TSHZ2: variants seen among roughly 807,000 people sequenced by gnomAD.
The protein encoded by TSHZ2 is teashirt homolog 2.
In TSHZ2, 21 loss-of-function variants were observed where a neutral mutation model predicts 74.4. The observed-to-expected ratio is 0.28, with a 90% CI of 0.20 to 0.41. TSHZ2 has a LOEUF of 0.41. Among genes scored for constraint, TSHZ2 ranks in the 10% least tolerant of loss-of-function variants. TSHZ2 has a pLI of 1.00. For synonymous variants in TSHZ2, 540 were observed against 515.3 expected (o/e 1.05, Z -0.65); for missense variants, 1,244 against 1,293.5 (o/e 0.96, Z 0.59).
chr20:53,037,810 G>A (rs1165610101), intron 1 of TSHZ2, among the ~76,000 whole-genome samples: 1 of 152,164 alleles, frequency 6.6e-6, no homozygotes, highest in Non-Finnish European at 1.5e-5. Flanking sequence ...TGGATCATCC[G>A]CTACCAACAG....
chr20:53,425,028 G>A (rs1436223596), intron 2 of TSHZ2, among the ~76,000 whole-genome samples: 1 of 152,182 alleles, frequency 6.6e-6, no homozygotes, highest in African/African-American at 2.4e-5. Context: ...ATGAACATAT[G>A]TGTGCATGTA....
chr20:53,009,138 G>A (rs1240859675), intron 1 of TSHZ2, among the ~76,000 whole-genome samples: 1 of 151,640 alleles, frequency 6.6e-6, no homozygotes, highest in Non-Finnish European at 1.5e-5. Flanking sequence ...AGACTAGCCT[G>A]AAAAAATAGT....
rs1568918574 is a variant in TSHZ2, at chr20:53,441,228, TTATTTTA to T, written c.*9-45914_*9-45908del. Among the ~76,000 whole-genome samples the T allele has an allele frequency of 5.6e-3, 433 of 77,796 alleles. 8 individuals carry two copies. Among genetic ancestry groups the T allele is most frequent in the African/African-American group, 0.015 (397 of 25,742 alleles). 51.0% of individuals were successfully genotyped at this position (77,796 alleles called of 152,430 possible). A position where few individuals can be genotyped will look rare whatever the true frequency, so the allele number is the denominator to read the frequency against. ...TATAACCCTTATTTATTTGTTTATT[TTATTTTA>T]TTTTATTTTATTTTATTTTATTTTA... is the stretch of plus-strand genomic sequence containing the variant. On this transcript the variant is annotated intron_variant, in intron 2 of 2. Coordinates refer to ENST00000371497, the MANE Select transcript of TSHZ2 (RefSeq NM_173485.6).
Position 53,254,290 on chromosome 20 carries a change from A to G in TSHZ2, c.832A>G (p.Met278Val). 2 of 1,614,166 alleles carry G rather than the reference A, an allele frequency of 1.2e-6. No individual in the cohort carries two copies. The highest frequency in any genetic ancestry group is 1.7e-6 in the Non-Finnish European group (2 of 1,180,012). ...GGATGCTCAAAAGGTTCTGAAATGT[A>G]TGTTTTGTGGCGACTCCTTTGATTC... Reference protein sequence around the residue: ...KEDAQKVLKCMFCGDSFDSLQ... With the variant: ...KEDAQKVLKCVFCGDSFDSLQ... Residue 278 changes from methionine to valine, a missense_variant, in exon 2 of 3, where the codon ATG (methionine) becomes GTG (valine). Physicochemically the swap from Met to Val is conservative, Grantham distance 21 (BLOSUM62 1). Transcript: ENST00000371497.
chr20:53,238,630 C>G (rs368801363), intron 1 of TSHZ2, among the ~76,000 whole-genome samples: 2 of 152,090 alleles, frequency 1.3e-5, no homozygotes, highest in African/African-American at 4.8e-5. Context: ...AACACACAGA[C>G]ATAAACACAC....
chr20:53,317,907 G>T (rs1356918099), intron 2 of TSHZ2, among the ~76,000 whole-genome samples: 1 of 152,208 alleles, frequency 6.6e-6, no homozygotes, highest in African/African-American at 2.4e-5. Context: ...TGTGCTGAAT[G>T]TTGGCAACAA....
intron 1 of TSHZ2, among the ~76,000 whole-genome samples, chr20:53,150,427 C>A (rs1287753759): frequency 6.6e-6 from 1 of 152,120 alleles, no homozygotes; most frequent in African/African-American, 2.4e-5. Context: ...ATATAGCTGG[C>A]AAACTAGAAA....
At chr20:53,167,011 C>T (rs1988078890) in intron 1 of TSHZ2, among the ~76,000 whole-genome samples, 2 of 152,154 alleles carry the variant, frequency 1.3e-5, no homozygotes, top group African/African-American at 4.8e-5. Context: ...GACATATAGG[C>T]TGTGACCAGA....
chr20:53,110,086 C>G (rs531178928), intron 1 of TSHZ2, among the ~76,000 whole-genome samples: 7 of 152,180 alleles, frequency 4.6e-5, no homozygotes, highest in Non-Finnish European at 1.0e-4. Context: ...TTTCAGCATG[C>G]CAGGCTTGTG....
intron 1 of TSHZ2, among the ~76,000 whole-genome samples, chr20:53,036,083 G>T (rs184800864): frequency 1.3e-5 from 2 of 151,916 alleles, no homozygotes; most frequent in Non-Finnish European, 2.9e-5. Flanking sequence ...GACTAATTCC[G>T]CTTCTCGACC....
At chr20:53,426,165 G>C (rs77936907) in intron 2 of TSHZ2, among the ~76,000 whole-genome samples, 3,881 of 152,180 alleles carry the variant, frequency 0.026, 65 homozygotes, top group Middle Eastern at 0.078. Flanking sequence ...GGTTGTTTAC[G>C]GTAGGAAGTA....
intron 2 of TSHZ2, among the ~76,000 whole-genome samples, chr20:53,267,187 C>A (rs1487356445): frequency 2.0e-5 from 3 of 152,140 alleles, no homozygotes; most frequent in Non-Finnish European, 4.4e-5. Context: ...TGACCTGGCA[C>A]TGAGATCAGG....
chr20:53,065,655 G>C (rs903874481), intron 1 of TSHZ2, among the ~76,000 whole-genome samples: 2 of 152,168 alleles, frequency 1.3e-5, no homozygotes, highest in Non-Finnish European at 2.9e-5. Context: ...CCCTCTGGAA[G>C]GGGGCGTGGA....
At chr20:53,469,625 G>T (rs1485798234) in intron 2 of TSHZ2, among the ~76,000 whole-genome samples, 9 of 78,150 alleles carry the variant, frequency 1.2e-4, no homozygotes, top group African/African-American at 5.1e-4. Flanking sequence ...AGAGAGGGAG[G>T]AAGGGAGGGA....
intron 1 of TSHZ2, among the ~76,000 whole-genome samples, chr20:53,218,129 G>A (rs568553182): frequency 3.9e-5 from 6 of 152,374 alleles, no homozygotes; most frequent in Admixed American, 6.5e-5. Flanking sequence ...GTTCTTTCAA[G>A]TCATGATGTT....
At chr20:53,238,136 A>G (rs1178148365) in intron 1 of TSHZ2, among the ~76,000 whole-genome samples, 3 of 152,192 alleles carry the variant, frequency 2.0e-5, no homozygotes, top group African/African-American at 4.8e-5. Context: ...CAAGCAATGT[A>G]CCAATGGTTT....
chr20:53,136,791 C>G (rs964494779), intron 1 of TSHZ2, among the ~76,000 whole-genome samples: 7 of 150,254 alleles, frequency 4.7e-5, no homozygotes, highest in Non-Finnish European at 1.0e-4. Context: ...TACACCATTA[C>G]AGGAAAAAAA....
intron 1 of TSHZ2, among the ~76,000 whole-genome samples, chr20:52,994,130 T>C (rs919470192): frequency 6.6e-6 from 1 of 152,214 alleles, no homozygotes; most frequent in Non-Finnish European, 1.5e-5. Flanking sequence ...TTAACAGATA[T>C]TTATTAATTT....
In TSHZ2 at chr20:53,137,134, G is replaced by T. The variant is rs552527358; in HGVS notation, c.41-116365G>T. On this transcript the variant is annotated intron_variant, in intron 1 of 2. Transcript: ENST00000371497. ...TTACCTACTTCAATTTCCCACTGTA[G>T]TTATCCTGGTTTGCCTTTATCATTG... Among the ~76,000 whole-genome samples, 166 of 152,132 alleles carry T rather than the reference G, an allele frequency of 1.1e-3. 1 individual carries two copies. Among genetic ancestry groups the T allele is most frequent in the Non-Finnish European group, 1.8e-3 (121 of 68,000 alleles).
Sources: gnomAD v4.1 joint callset for allele counts (sites outside exome capture counted in the v4.1 genomes callset) on GRCh38, gnomAD v4.1.1 for gene constraint, MANE v1.5 for transcripts, NCBI Gene and HGNC (gene_info 2026-07-23, HGNC 2026-07-21) for gene names.